DPH6: variants seen among roughly 807,000 people sequenced by gnomAD.
The protein encoded by DPH6 is diphthine--ammonia ligase.
In DPH6, 33 loss-of-function variants were observed where a neutral mutation model predicts 38.2. The observed-to-expected ratio is 0.86, with a 90% CI of 0.65 to 1.15. The LOEUF is 1.15. DPH6 is among the 50% of genes most tolerant of loss of function. The pLI is 0.00. For missense variants in DPH6, 325 were observed against 320.0 expected (o/e 1.02, Z -0.12); for synonymous variants, 108 against 103.0 (o/e 1.05, Z -0.30).
intron 3 of DPH6, among the ~76,000 whole-genome samples, chr15:35,356,408 G>A (rs564951377): frequency 6.6e-6 from 1 of 152,254 alleles, no homozygotes; most frequent in East Asian, 1.9e-4. Flanking sequence ...CCCCAACTTT[G>A]TAGTTTTATC....
chr15:35,412,998 T>C (rs1037256315), intron 5 of DPH6, among the ~76,000 whole-genome samples: 1 of 97,588 alleles, frequency 1.0e-5, no homozygotes, highest in Non-Finnish European at 2.9e-5. Context: ...GTGATTATGA[T>C]GTGTCATTGT....
Position 35,266,574 on chromosome 15 carries a change from T to A in DPH6, n.201-45992A>T, listed in dbSNP as rs77723043. On this transcript the variant is annotated intron_variant and non_coding_transcript_variant, in intron 3 of 3. Coordinates refer to the DPH6 transcript ENST00000560386. ...TTAATATTGTAGCAGTCAGAATCTG[T>A]TCTGATTGGCCAGTGCTAGTTCGAT... Among the ~76,000 whole-genome samples, 1,068 of 152,332 alleles carry A rather than the reference T, an allele frequency of 7.0e-3. 10 individuals are homozygous for A. The highest frequency in any genetic ancestry group is 0.025 in the African/African-American group (1,032 of 41,578).
the DPH6 span, among the ~76,000 whole-genome samples, chr15:35,164,115 T>C: frequency 1.3e-5 from 2 of 151,824 alleles, no homozygotes; most frequent in Non-Finnish European, 2.9e-5. Context: ...TGACTCACAG[T>C]AGATGTAATT....
intron 3 of DPH6, among the ~76,000 whole-genome samples, chr15:35,283,850 G>A (rs1052407500): frequency 4.6e-5 from 7 of 151,554 alleles, no homozygotes; most frequent in Non-Finnish European, 1.5e-5. Flanking sequence ...CATCCAATAT[G>A]TAAGATAAAA....
the DPH6 span, among the ~76,000 whole-genome samples, chr15:35,156,328 T>C: frequency 2.0e-5 from 3 of 152,312 alleles, no homozygotes; most frequent in African/African-American, 7.2e-5. Flanking sequence ...AACTAAATGT[T>C]TCTTTTCTAA....
chr15:35,237,899 GAGGA>G (rs1229168545), intron 3 of DPH6: 21 of 1,428,370 alleles, frequency 1.5e-5, no homozygotes, highest in Middle Eastern at 1.7e-4. Context: ...CGAGGAGGAG[GAGGA>G]AGGTGAAGAG....
downstream of DPH6, among the ~76,000 whole-genome samples, chr15:35,368,559 G>C (rs2052682062): frequency 6.6e-6 from 1 of 151,964 alleles, no homozygotes; most frequent in South Asian, 2.1e-4. Context: ...TCTTGTCCAA[G>C]AGTTGGGTAA....
At chr15:35,527,347 G>A (rs2055018926) in intron 3 of DPH6, among the ~76,000 whole-genome samples, 1 of 152,100 alleles carries the variant, frequency 6.6e-6, no homozygotes, top group Non-Finnish European at 1.5e-5. Context: ...TTTATAGATG[G>A]AGCAACTGAA....
At chr15:35,181,905 T>C in the DPH6 span, 1 of 152,218 alleles carries the variant, frequency 6.6e-6, no homozygotes, top group Admixed American at 6.5e-5. Flanking sequence ...AGTAAATGTA[T>C]AATATACCTT....
At chr15:35,270,994 C>T (rs1195500737) in intron 3 of DPH6, among the ~76,000 whole-genome samples, 2 of 152,152 alleles carry the variant, frequency 1.3e-5, no homozygotes, top group African/African-American at 4.8e-5. Context: ...AAGCGAAGAC[C>T]ATCTACCTAC....
intron 3 of DPH6, chr15:35,237,962 G>A: frequency 7.0e-7 from 1 of 1,425,106 alleles, no homozygotes; most frequent in Non-Finnish European, 9.9e-7. Context: ...TTATAACGAT[G>A]GAGAGGTTGA....
At chr15:35,407,069 C>T (rs2053303548) in intron 6 of DPH6, among the ~76,000 whole-genome samples, 1 of 151,900 alleles carries the variant, frequency 6.6e-6, no homozygotes, top group Admixed American at 6.6e-5. Flanking sequence ...ATGACAGTTT[C>T]AAGAAGCAAC....
rs1444377996 is a variant in DPH6, at chr15:35,337,390, GACAA to G, written n.208-6317_208-6314del. Among the ~76,000 whole-genome samples, 27 of 151,970 alleles carry G rather than the reference GACAA, an allele frequency of 1.8e-4. No individual in the cohort carries two copies. In the East Asian group the frequency reaches 4.8e-3, roughly 27 times the overall value. Reference sequence around the variant, plus strand: ...CTATCATTCTTATACACCAATAACAGACAAACAGAGAGCCAAATCATGAGTGAAC... The same window carrying G: ...CTATCATTCTTATACACCAATAACAGACAGAGAGCCAAATCATGAGTGAAC... On this transcript the variant is annotated intron_variant and non_coding_transcript_variant, in intron 3 of 3. Transcript: ENST00000558973.
chr15:35,162,291 C>T, the DPH6 span, among the ~76,000 whole-genome samples: 21 of 151,896 alleles, frequency 1.4e-4, no homozygotes, highest in South Asian at 2.1e-4. Context: ...TGCCTGAAAT[C>T]GTTCATGGCA....
chr15:35,376,855 A>C (rs1375638448), intron 7 of DPH6, among the ~76,000 whole-genome samples: 1 of 152,154 alleles, frequency 6.6e-6, no homozygotes, highest in Non-Finnish European at 1.5e-5. Flanking sequence ...TATACCATCT[A>C]TATTTGTATA....
the DPH6 span, among the ~76,000 whole-genome samples, chr15:35,204,596 A>T: frequency 2.6e-5 from 4 of 151,760 alleles, no homozygotes; most frequent in African/African-American, 9.7e-5. Context: ...AGGGGACAAG[A>T]TGGGTTATGC....
chr15:35,315,270 A>C (rs1595474467), intron 3 of DPH6, among the ~76,000 whole-genome samples: 1 of 152,218 alleles, frequency 6.6e-6, no homozygotes, highest in East Asian at 1.9e-4. Context: ...TGCAGGGAAA[A>C]TGCTTCCACA....
chr15:35,407,505 T>C (rs929670909), intron 6 of DPH6, among the ~76,000 whole-genome samples: 8 of 152,132 alleles, frequency 5.3e-5, no homozygotes, highest in African/African-American at 1.4e-4. Flanking sequence ...GCCAAAATCT[T>C]GGCAAGATTA....
At chr15:35,544,617 A>G (rs879661750) in intron 1 of DPH6, among the ~76,000 whole-genome samples, 2 of 152,240 alleles carry the variant, frequency 1.3e-5, no homozygotes, top group African/African-American at 4.8e-5. Context: ...TAGAATACAT[A>G]GGCATCTGTA....
Sources: gnomAD v4.1 joint callset for allele counts (sites outside exome capture counted in the v4.1 genomes callset) on GRCh38, gnomAD v4.1.1 for gene constraint, MANE v1.5 for transcripts, NCBI Gene and HGNC (gene_info 2026-07-23, HGNC 2026-07-21) for gene names.